MXRA7: variants seen among roughly 807,000 people sequenced by gnomAD.
The protein encoded by MXRA7 is matrix remodeling associated 7.
A neutral mutation model predicts 17.4 loss-of-function variants in MXRA7; 18 were observed. The ratio of observed to expected loss-of-function variants is 1.03; its 90% CI spans 0.71 to 1.53. MXRA7 has a LOEUF of 1.53. Among genes scored for constraint, MXRA7 ranks in the 40% most tolerant of loss-of-function variants. The pLI, the probability that MXRA7 is intolerant of heterozygous loss-of-function variation, is 0.00. For synonymous variants in MXRA7, 70 were observed against 101.7 expected (o/e 0.69, Z 1.87); for missense variants, 141 against 209.3 (o/e 0.67, Z 2.01).
At chr17:76,708,153 A>G (rs1436859595) in intron 1 of MXRA7, among the ~76,000 whole-genome samples, 2 of 152,230 alleles carry the variant, frequency 1.3e-5, no homozygotes, top group East Asian at 3.9e-4. Flanking sequence ...CTCCTGAGCG[A>G]TCCCCAATAG....
intron 1 of MXRA7, among the ~76,000 whole-genome samples, chr17:76,708,696 T>C (rs111342479): frequency 3.9e-4 from 60 of 152,288 alleles, no homozygotes; most frequent in African/African-American, 1.4e-3. Flanking sequence ...TGACACAATA[T>C]CTGTGTCCCC....
downstream of MXRA7, chr17:76,679,557 AAC>A: frequency 2.1e-6 from 2 of 973,378 alleles, no homozygotes; most frequent in Non-Finnish European, 2.4e-6. Context: ...AAACTGAAAA[AAC>A]ACACAGTAAT....
At chr17:76,689,220 G>C (rs1435490062) in intron 1 of MXRA7, 4 of 152,266 alleles carry the variant, frequency 2.6e-5, no homozygotes, top group African/African-American at 9.6e-5. Flanking sequence ...CTCCCGAGTA[G>C]CTGGGATTAC....
chr17:76,685,276 C>G lies in MXRA7; in HGVS notation c.407-111G>C, dbSNP rs949022123. On this transcript the variant is annotated intron_variant, in intron 2 of 3. Transcript: ENST00000449428. Reference sequence around the variant, plus strand: ...GAAACACCTCAAGCAGAGGCCACATCTGGCTATCAGAGACATCTCACCCCA... The same window carrying G: ...GAAACACCTCAAGCAGAGGCCACATGTGGCTATCAGAGACATCTCACCCCA... 21 of 760,834 alleles carry G rather than the reference C, an allele frequency of 2.8e-5. No individual in the cohort carries two copies. The East Asian group carries it at 4.7e-4, about 17-fold the overall frequency. 47.1% of individuals were successfully genotyped at this position (760,834 alleles called of 1,614,324 possible).
chr17:76,682,677 G>A (rs2076322312), intron 3 of MXRA7, among the ~76,000 whole-genome samples: 1 of 152,128 alleles, frequency 6.6e-6, no homozygotes, highest in African/African-American at 2.4e-5. Context: ...GGGCAGAGGT[G>A]TGGGGGAGCA....
chr17:76,686,120 G>A (rs1246444214), intron 2 of MXRA7, among the ~76,000 whole-genome samples: 1 of 152,164 alleles, frequency 6.6e-6, no homozygotes, highest in Non-Finnish European at 1.5e-5. Flanking sequence ...AGGCTGATGT[G>A]GACCGATGGG....
At chr17:76,682,427 C>T (rs1226723074) in intron 3 of MXRA7, among the ~76,000 whole-genome samples, 1 of 152,102 alleles carries the variant, frequency 6.6e-6, no homozygotes, top group Non-Finnish European at 1.5e-5. Flanking sequence ...GGTTTGATAA[C>T]AACAGGCATG....
At chr17:76,688,275 G>T (rs541853212) in intron 1 of MXRA7, 99 bp from the exon 2 acceptor site, 2 of 1,553,706 alleles carry the variant, frequency 1.3e-6, no homozygotes, top group East Asian at 2.3e-5. Flanking sequence ...GCCCTCGAAG[G>T]TCCAGCCTGC....
chr17:76,678,294 C>T (rs560005329), downstream of MXRA7, among the ~76,000 whole-genome samples: 1 of 152,150 alleles, frequency 6.6e-6, no homozygotes, highest in African/African-American at 2.4e-5. Flanking sequence ...TGGCAGGTGG[C>T]GGCCCTGCCC....
intron 1 of MXRA7, among the ~76,000 whole-genome samples, chr17:76,700,030 G>A (rs1310860929): frequency 6.6e-6 from 1 of 152,176 alleles, no homozygotes; most frequent in Non-Finnish European, 1.5e-5. Context: ...CACAATCTCG[G>A]CTCACTGCAA....
intron 1 of MXRA7, among the ~76,000 whole-genome samples, chr17:76,694,466 C>T (rs1253969495): frequency 2.6e-5 from 4 of 152,168 alleles, no homozygotes; most frequent in African/African-American, 9.7e-5. Context: ...AACTGCACCT[C>T]ATAGAGGCAT....
rs138771462 is a variant in MXRA7 at position 76,688,591 on chromosome 17, C to A, written c.343-415G>T. ...GGGCCAGGCAGCATGGCCATCGCAG[C>A]CTCTGGCTTTGCTTCCTTCTATGTT... On this transcript the variant is annotated intron_variant, in intron 1 of 3. Coordinates refer to ENST00000449428, the MANE Select transcript of MXRA7 (RefSeq NM_198530.4). 7.7e-4 allele frequency: 962 copies of A among 1,254,396 alleles called. 6 individuals carry two copies. The African/African-American group carries it at 0.014, about 18-fold the overall frequency. 77.7% of individuals were successfully genotyped at this position (1,254,396 alleles called of 1,614,324 possible).
At chr17:76,705,583 G>A (rs2076646244) in intron 1 of MXRA7, among the ~76,000 whole-genome samples, 1 of 152,180 alleles carries the variant, frequency 6.6e-6, no homozygotes, top group Non-Finnish European at 1.5e-5. Context: ...GATGGTATCT[G>A]GAGGTGGGGG....
intron 2 of MXRA7, 98 bp downstream of exon 2, chr17:76,688,015 C>T: frequency 1.0e-6 from 1 of 991,142 alleles, no homozygotes; most frequent in Non-Finnish European, 1.6e-6. Flanking sequence ...CCCATCCCTC[C>T]CCTCGGCACT....
intron 1 of MXRA7, among the ~76,000 whole-genome samples, chr17:76,708,141 C>T (rs747184275): frequency 3.3e-5 from 5 of 152,226 alleles, no homozygotes; most frequent in Non-Finnish European, 5.9e-5. Context: ...CACTAGGGGA[C>T]GCTCCTGAGC....
At chr17:76,697,515 G>T (rs577153729) in intron 1 of MXRA7, among the ~76,000 whole-genome samples, 19 of 152,356 alleles carry the variant, frequency 1.2e-4, no homozygotes, top group Non-Finnish European at 2.4e-4. Context: ...ACCCTGGCTG[G>T]TCCCCAGGGC....
chr17:76,672,998 A>G (rs539770084), exon 4 of MXRA7: 2 of 152,286 alleles, frequency 1.3e-5, no homozygotes, highest in South Asian at 2.1e-4. Context: ...GTGGGCCTCA[A>G]GTTACTTATA....
intron 1 of MXRA7, chr17:76,688,400 T>C: frequency 7.0e-7 from 1 of 1,418,654 alleles, no homozygotes; most frequent in Non-Finnish European, 9.2e-7. Flanking sequence ...AGGCGTGTTC[T>C]TGACTGTGCA....
At chr17:76,677,718 G>T, downstream of MXRA7, 1 of 1,594,476 alleles carries the variant, frequency 6.3e-7, no homozygotes, top group Non-Finnish European at 8.6e-7. Flanking sequence ...GAGAAGAAAG[G>T]ACAAAGAGGA....
Sources: gnomAD v4.1 joint callset for allele counts (sites outside exome capture counted in the v4.1 genomes callset) on GRCh38, gnomAD v4.1.1 for gene constraint, MANE v1.5 for transcripts, NCBI Gene and HGNC (gene_info 2026-07-23, HGNC 2026-07-21) for gene names.